Variants in IFNLR1 observed in about 807,000 individuals in gnomAD.
IFNLR1 encodes CRF2-12.
IFNLR1 carries 28 observed loss-of-function variants against 52.5 expected under a neutral mutation model. The observed-to-expected ratio is 0.53, with a 90% confidence interval of 0.40 to 0.73. The LOEUF is 0.73. Among genes scored for constraint, IFNLR1 ranks in the 30% least tolerant of loss-of-function variants. The pLI, the probability that IFNLR1 is intolerant of heterozygous loss-of-function variation, is 0.00. For synonymous variants in IFNLR1, 276 were observed against 274.9 expected (o/e 1.00, Z -0.04); for missense variants, 623 against 659.1 (o/e 0.95, Z 0.60).
At chr1:24,159,252 G>T in intron 5 of IFNLR1, 70 bp from the exon 6 acceptor site, 1 of 1,555,220 alleles carries the variant, frequency 6.4e-7, no homozygotes, top group Non-Finnish European at 8.8e-7. Flanking sequence ...TGTGCCGAGT[G>T]CTTCACATAC....
chr1:24,170,229 G>A (rs943581685), intron 2 of IFNLR1, among the ~76,000 whole-genome samples: 14 of 152,196 alleles, frequency 9.2e-5, no homozygotes, highest in African/African-American at 3.4e-4. Flanking sequence ...AGAACTGTGA[G>A]AAGGAAATTG....
intron 2 of IFNLR1, among the ~76,000 whole-genome samples, chr1:24,176,772 T>G (rs1291081349): frequency 6.6e-6 from 1 of 152,188 alleles, no homozygotes; most frequent in Non-Finnish European, 1.5e-5. Flanking sequence ...AAAAGACAAG[T>G]ATTCTCTCCT....
chr1:24,169,024 G>A (rs570268792), intron 3 of IFNLR1, among the ~76,000 whole-genome samples: 3 of 152,346 alleles, frequency 2.0e-5, no homozygotes, highest in South Asian at 2.1e-4. Context: ...GATTACAGGC[G>A]TGAGCCACCA....
intron 1 of IFNLR1, among the ~76,000 whole-genome samples, chr1:24,181,806 C>T (rs1644693441): frequency 6.6e-6 from 1 of 152,160 alleles, no homozygotes; most frequent in Non-Finnish European, 1.5e-5. Flanking sequence ...GGACATGGAT[C>T]AGACAAGAGT....
At chr1:24,186,348 C>T in intron 1 of IFNLR1, among the ~76,000 whole-genome samples, 1 of 152,168 alleles carries the variant, frequency 6.6e-6, no homozygotes, top group East Asian at 1.9e-4. Context: ...TTGCTCTGAG[C>T]CTCAGTTTTC....
intron 4 of IFNLR1, 93 bp from the exon 5 acceptor site, chr1:24,159,726 G>T (rs28716907): frequency 4.3e-5 from 33 of 761,846 alleles, no homozygotes; most frequent in Non-Finnish European, 5.9e-5. Flanking sequence ...ATGGTAGGGT[G>T]TTTTTTTTTT....
rs1188814491 is a variant in IFNLR1 at position 24,171,681 on chromosome 1, G to C, written c.183-2080C>G. Among the ~76,000 whole-genome samples the C allele has an allele frequency of 3.3e-5, 5 of 151,240 alleles. No individual in the cohort carries two copies. The East Asian group carries it at 9.7e-4, about 29-fold the overall frequency. ...TTCTTTTCTTTTTTTTTTTGAGACA[G>C]AGTCTCGCTCTGTCATCCAGGCTGG... On this transcript the variant is annotated intron_variant, in intron 2 of 6. Coordinates refer to ENST00000327535, the MANE Select transcript of IFNLR1 (RefSeq NM_170743.4).
chr1:24,162,910 TCCTTCC>T (rs1644477247), intron 3 of IFNLR1, among the ~76,000 whole-genome samples: 1 of 103,164 alleles, frequency 9.7e-6, no homozygotes, highest in Non-Finnish European at 1.9e-5. Context: ...CTTCCTTCCT[TCCTTCC>T]TTTTCTTTCT....
At chr1:24,160,280 GACT>G (rs1224693247) in intron 4 of IFNLR1, among the ~76,000 whole-genome samples, 1 of 152,196 alleles carries the variant, frequency 6.6e-6, no homozygotes, top group Non-Finnish European at 1.5e-5. Flanking sequence ...GGCCACGCGT[GACT>G]ACTGAGTATG....
chr1:24,158,056 C>A (rs1160883761), intron 6 of IFNLR1, among the ~76,000 whole-genome samples, 165 bp from the exon 7 acceptor site: 1 of 152,198 alleles, frequency 6.6e-6, no homozygotes, highest in African/African-American at 2.4e-5. Flanking sequence ...GGGGAGCAGC[C>A]AGGAAGCAGG....
intron 1 of IFNLR1, among the ~76,000 whole-genome samples, chr1:24,184,483 C>G (rs967291338): frequency 1.3e-5 from 2 of 152,148 alleles, no homozygotes; most frequent in Non-Finnish European, 2.9e-5. Context: ...CTGGCCTGGC[C>G]TGGCCAGGCC....
rs143707958 is a variant in IFNLR1 at position 24,171,198 on chromosome 1, A to G, written c.183-1597T>C. On this transcript the variant is annotated intron_variant, in intron 2 of 6. Transcript: ENST00000327535. ...AGGTAGAAAGTGAACAGCCACACTT[A>G]CAACAAGAAATTTTAATACATCTCA... is the stretch of plus-strand genomic sequence containing the variant. Among the ~76,000 whole-genome samples, 959 of 152,368 alleles carry G rather than the reference A, an allele frequency of 6.3e-3. 39 individuals are homozygous for G. The highest frequency in any genetic ancestry group is 0.058 in the Admixed American group (886 of 15,308).
chr1:24,170,028 C>G (rs1380703754), intron 2 of IFNLR1, among the ~76,000 whole-genome samples: 1 of 152,234 alleles, frequency 6.6e-6, no homozygotes, highest in Non-Finnish European at 1.5e-5. Context: ...GGGGAACATG[C>G]AGGTCCATGA....
In IFNLR1 at chr1:24,176,065, A is replaced by G. The variant is rs1397592916; in HGVS notation, c.182+4666T>C. Among the ~76,000 whole-genome samples the G allele has an allele frequency of 2.6e-5, 4 of 152,240 alleles. No individual in the cohort carries two copies. The East Asian group carries it at 5.8e-4, about 22-fold the overall frequency. On this transcript the variant is annotated intron_variant, in intron 2 of 6. Transcript: ENST00000327535. ...AGCCCTAGCAAATGAATACCTGCCC[A>G]GAACTGGAAGCAACCCAAATATCCA...
intron 2 of IFNLR1, among the ~76,000 whole-genome samples, chr1:24,171,515 G>C (rs569317319): frequency 6.6e-6 from 1 of 152,278 alleles, no homozygotes; most frequent in East Asian, 1.9e-4. Context: ...TTGAGACAGC[G>C]TCTTGCTCTG....
At position 24,182,199 on chromosome 1, in the gene IFNLR1, CA is replaced by C. The variant is rs60217046; in HGVS notation, c.59-1346del. 3.1e-3 allele frequency among the ~76,000 whole-genome samples: 410 copies of C among 132,862 alleles called. 5 individuals carry two copies. Among genetic ancestry groups the C allele is most frequent in the South Asian group, 0.021 (86 of 4,150 alleles). The allele number at this position is 132,862 out of a possible 152,430, so 87.2% of individuals were successfully genotyped here. ...TGGGCAACAGGGCGAGACTCCATTC[CA>C]AAAAAAAAAAAAAAAAAGTGTTCCA... On this transcript the variant is annotated intron_variant, in intron 1 of 6. Coordinates refer to ENST00000327535, the MANE Select transcript of IFNLR1 (RefSeq NM_170743.4).
At chr1:24,166,045 T>C (rs1380367448) in intron 3 of IFNLR1, among the ~76,000 whole-genome samples, 1 of 152,176 alleles carries the variant, frequency 6.6e-6, no homozygotes, top group Non-Finnish European at 1.5e-5. Flanking sequence ...GAAAACATTT[T>C]AAATATCTTT....
intron 3 of IFNLR1, among the ~76,000 whole-genome samples, chr1:24,164,666 G>A (rs536789835): frequency 2.6e-4 from 40 of 152,170 alleles, no homozygotes; most frequent in African/African-American, 8.9e-4. Context: ...AGAGCCTTTT[G>A]AGCGACTGAG....
chr1:24,177,753 C>T (rs1041766076), intron 2 of IFNLR1, among the ~76,000 whole-genome samples: 1 of 152,160 alleles, frequency 6.6e-6, no homozygotes, highest in Non-Finnish European at 1.5e-5. Flanking sequence ...CATCACAAAC[C>T]CTTTGGGCGA....
Sources: gnomAD v4.1 joint callset for allele counts (sites outside exome capture counted in the v4.1 genomes callset) on GRCh38, gnomAD v4.1.1 for gene constraint, MANE v1.5 for transcripts, NCBI Gene and HGNC (gene_info 2026-07-23, HGNC 2026-07-21) for gene names.